SLCO2B1: variants seen among roughly 807,000 people sequenced by gnomAD.
SLCO2B1 encodes the protein solute carrier organic anion transporter family member 2B1.
Under a neutral mutation model 67.3 loss-of-function variants are expected in SLCO2B1, and 41 were observed. That is an observed-to-expected ratio of 0.61 (90% CI 0.47 to 0.79). SLCO2B1 has a LOEUF of 0.79. Among genes scored for constraint, SLCO2B1 ranks in the 30% least tolerant of loss-of-function variants. The pLI, the probability that SLCO2B1 is intolerant of heterozygous loss-of-function variation, is 0.00. For missense variants in SLCO2B1, 837 were observed against 920.1 expected (o/e 0.91, Z 1.17); for synonymous variants, 379 against 381.4 (o/e 0.99, Z 0.07).
Position 75,188,171 on chromosome 11 carries a change from G to T in SLCO2B1, c.1008G>T (p.Glu336Asp). Residue 336 changes from glutamate to aspartate, a missense_variant, in exon 8 of 14, where the codon GAG (glutamate) becomes GAT (aspartate). Physicochemically the swap from Glu to Asp is conservative, Grantham distance 45 (BLOSUM62 2). Transcript: ENST00000289575. ...CTCCCTCTAAGCAGAGCCCTGGGGAGTCCACGAAGAAGCAGGATGGCCTAG... is the reference window on the plus strand; with the variant it reads ...CTCCCTCTAAGCAGAGCCCTGGGGATTCCACGAAGAAGCAGGATGGCCTAG... ...KDSPSKQSPG[E>D]STKKQDGLVQ... The T allele has an allele frequency of 6.2e-7, 1 of 1,614,038 alleles. No homozygotes were observed.
At chr11:75,163,073 T>A in intron 2 of SLCO2B1, 1 of 277,078 alleles carries the variant, frequency 3.6e-6, no homozygotes, top group East Asian at 8.1e-5. Context: ...AACAGAGAAG[T>A]GCCCTGGGGA....
intron 8 of SLCO2B1, among the ~76,000 whole-genome samples, chr11:75,189,037 T>C (rs1944979453): frequency 6.6e-6 from 1 of 152,242 alleles, no homozygotes. Flanking sequence ...TGGGCTTTTG[T>C]CCCTGATCCC....
chr11:75,203,384 C>G lies in SLCO2B1; in HGVS notation c.1906C>G (p.Arg636Gly), dbSNP rs774826122. The G allele has an allele frequency of 6.2e-7, 1 of 1,614,176 alleles. No individual in the cohort carries two copies. The highest frequency in any genetic ancestry group is 8.5e-7 in the Non-Finnish European group (1 of 1,180,018). The change falls in exon 13 of 14, where the codon CGA (arginine) becomes GGA (glycine). Residue 636 changes from arginine to glycine, a missense_variant. By Grantham distance (125) the Arg-to-Gly change is moderately radical. Coordinates refer to ENST00000289575, the MANE Select transcript of SLCO2B1 (RefSeq NM_007256.5). ...CVHWALSCGR[R>G]AVCRYYNNDL... ...GCACTGGGCCCTGAGCTGTGGGCGT[C>G]GAGCTGTCTGTCGCTACTACAATAA...
chr11:75,153,487 C>T lies in SLCO2B1; in HGVS notation c.16+2090C>T, dbSNP rs118117762. Among the ~76,000 whole-genome samples, 18 of 152,316 alleles carry T rather than the reference C, an allele frequency of 1.2e-4. No individual in the cohort carries two copies. In the East Asian group the frequency reaches 2.3e-3, roughly 20 times the overall value. Reference sequence around the variant, plus strand: ...TCAGAGGGGGCAAGCAAGGTCCAAGCTCACCCCAAAGTAAACAGCAGAGTG... The same window carrying T: ...TCAGAGGGGGCAAGCAAGGTCCAAGTTCACCCCAAAGTAAACAGCAGAGTG... On this transcript the variant is annotated intron_variant, in intron 1 of 13. Transcript: ENST00000289575.
Position 75,165,807 on chromosome 11 carries a change from T to C in SLCO2B1, c.306T>C (p.Ile102=). The C allele has an allele frequency of 6.2e-7, 1 of 1,614,142 alleles. No individual in the cohort carries two copies. ...SFNEVGNTAL[I]VFVSYFGSRV... is the part of the protein sequence containing the mutation. The stretch of plus-strand genomic sequence containing the variant: ...TGCAGGTGGGGAACACAGCCTTGAT[T>C]GTGTTTGTGAGCTATTTTGGCAGCC... Residue 102 remains isoleucine (I), a synonymous_variant, in exon 4 of 14, where the codon ATT becomes ATC. Transcript: ENST00000289575.
Position 75,193,555 on chromosome 11 carries a change from G to A in SLCO2B1, c.1413G>A (p.Ala471=), listed in dbSNP as rs762771722. The A allele has an allele frequency of 1.9e-5, 29 of 1,562,382 alleles. No individual in the cohort carries two copies. In the Middle Eastern group the frequency reaches 8.6e-4, roughly 46 times the overall value. Residue 471 remains alanine (A), a synonymous_variant, in exon 9 of 14, where the codon GCG becomes GCA. Coordinates refer to ENST00000289575, the MANE Select transcript of SLCO2B1 (RefSeq NM_007256.5). This position sits in a 1 kb window ranked among gnomAD's most constrained non-coding sequence, Gnocchi z 4.2. ...TCGGCTGCTCCAGCCACCAGATTGC[G>A]GGCATCACACACCAGACCAGGTGAG... ...FFIGCSSHQI[A]GITHQTSAHP...
intron 11 of SLCO2B1, 182 bp from the exon 12 acceptor site, chr11:75,202,719 T>A: frequency 1.6e-6 from 1 of 626,438 alleles, no homozygotes; most frequent in Non-Finnish European, 2.9e-6. Flanking sequence ...GGGACCAGGC[T>A]CTGCAGGTTG....
At chr11:75,163,925 C>T in intron 2 of SLCO2B1, 38 bp from the exon 3 acceptor site, 1 of 1,569,584 alleles carries the variant, frequency 6.4e-7, no homozygotes, top group South Asian at 1.2e-5. Context: ...TCTCCCCCTG[C>T]ACCGCCCACC....
At chr11:75,189,981 A>G (rs1204693024) in intron 8 of SLCO2B1, among the ~76,000 whole-genome samples, 1 of 149,444 alleles carries the variant, frequency 6.7e-6, no homozygotes, top group African/African-American at 2.5e-5. Context: ...AAAAAAAAAG[A>G]CTTGATGTTG....
At chr11:75,163,010 G>A in intron 2 of SLCO2B1, 1 of 461,738 alleles carries the variant, frequency 2.2e-6, no homozygotes, top group East Asian at 4.1e-5. Context: ...GGAAAGGGGT[G>A]TTCTTGGAGT....
At chr11:75,189,263 G>A (rs112455521) in intron 8 of SLCO2B1, among the ~76,000 whole-genome samples, 7,967 of 152,240 alleles carry the variant, frequency 0.052, 451 homozygotes, top group African/African-American at 0.14. Context: ...TGGATGGCAG[G>A]TCAGAAGACT....
intron 2 of SLCO2B1, 62 bp downstream of exon 2, chr11:75,162,847 G>C (rs1252413173): frequency 1.4e-5 from 22 of 1,557,098 alleles, no homozygotes; most frequent in Non-Finnish European, 4.4e-6. Flanking sequence ...CCACGTGCTG[G>C]TGGTGTAATG....
chr11:75,202,779 G>A, intron 11 of SLCO2B1, 122 bp from the exon 12 acceptor site: 1 of 846,384 alleles, frequency 1.2e-6, no homozygotes, highest in Non-Finnish European at 2.0e-6. Context: ...CATCAGATGG[G>A]AGAGAGGCTG....
At chr11:75,190,142 G>A (rs978658695) in intron 8 of SLCO2B1, among the ~76,000 whole-genome samples, 1 of 152,172 alleles carries the variant, frequency 6.6e-6, no homozygotes, top group Admixed American at 6.5e-5. Flanking sequence ...GGCACTCTGC[G>A]CTGCTGAATT....
At chr11:75,165,982 C>A in intron 4 of SLCO2B1, 33 bp downstream of exon 4, 1 of 1,601,010 alleles carries the variant, frequency 6.2e-7, no homozygotes, top group Non-Finnish European at 8.5e-7. Context: ...AGGAGTGGGA[C>A]GTTAGCCTCT....
At position 75,169,319 on chromosome 11, in the gene SLCO2B1, C is replaced by T. The variant is rs949860869; in HGVS notation, c.595C>T (p.Leu199=). The T allele has an allele frequency of 6.2e-7, 1 of 1,614,146 alleles. No individual in the cohort carries two copies. Among genetic ancestry groups the T allele is most frequent in the Non-Finnish European group, 8.5e-7 (1 of 1,180,006 alleles). Residue 199 remains leucine (L), a synonymous_variant, in exon 5 of 14, where the codon CTG becomes TTG. Transcript: ENST00000289575. The part of the protein sequence containing the change: ...VGIMFVAQTL[L]GVGGVPIQPF... ...GATCATGTTCGTGGCACAGACCCTG[C>T]TGGGCGTGGGCGGGGTGCCCATTCA...
intron 6 of SLCO2B1, chr11:75,170,021 C>T (rs1462139502): frequency 4.3e-6 from 2 of 460,954 alleles, no homozygotes; most frequent in Non-Finnish European, 7.9e-6. Context: ...ACCATGGTTG[C>T]CGTCACTACT....
intron 2 of SLCO2B1, 124 bp downstream of exon 2, chr11:75,162,909 C>A (rs2140306689): frequency 2.5e-6 from 3 of 1,187,744 alleles, no homozygotes; most frequent in East Asian, 2.5e-5. Flanking sequence ...GAATGTGTGG[C>A]TGTGAGGATC....
intron 1 of SLCO2B1, among the ~76,000 whole-genome samples, chr11:75,156,769 G>A (rs564801809): frequency 3.5e-4 from 53 of 152,238 alleles, no homozygotes; most frequent in African/African-American, 1.1e-3. Context: ...GTTATTTCAT[G>A]ATGATATGCT....
Sources: allele counts gnomAD v4.1 joint callset (sites outside exome capture counted in the v4.1 genomes callset), GRCh38; gene constraint gnomAD v4.1.1; non-coding constraint Gnocchi (gnomAD v3.1); transcripts MANE v1.5; gene names NCBI Gene and HGNC (gene_info 2026-07-23, HGNC 2026-07-21).